The following SAMD4A variants were observed in gnomAD, a reference collection of about 807,000 sequenced individuals.
SAMD4A encodes the protein protein Smaug homolog 1.
A neutral mutation model predicts 81.3 loss-of-function variants in SAMD4A; 33 were observed. That is an observed-to-expected ratio of 0.41 (90% CI 0.31 to 0.54). The LOEUF (loss-of-function observed/expected upper bound fraction) is 0.54. Among genes scored for constraint, SAMD4A ranks in the 20% least tolerant of loss-of-function variants. The probability of loss-of-function intolerance (pLI) is 0.37; values close to 1 mark genes in which losing one functional copy is unlikely to be tolerated. For synonymous variants in SAMD4A, 389 were observed against 382.1 expected (o/e 1.02, Z -0.21); for missense variants, 854 against 951.1 (o/e 0.90, Z 1.34).
At chr14:54,743,808 C>T (rs1594887169) in intron 4 of SAMD4A, among the ~76,000 whole-genome samples, 1 of 152,208 alleles carries the variant, frequency 6.6e-6, no homozygotes, top group South Asian at 2.1e-4. Flanking sequence ...CAACGAGGCC[C>T]AAGACCAATC....
intron 3 of SAMD4A, among the ~76,000 whole-genome samples, chr14:54,706,185 A>T (rs1010008889): frequency 6.6e-6 from 1 of 151,884 alleles, no homozygotes; most frequent in African/African-American, 2.4e-5. Context: ...CCATCTCTTC[A>T]AAAAAAGAAA....
At chr14:54,589,852 C>T (rs1474637320) in intron 2 of SAMD4A, among the ~76,000 whole-genome samples, 3 of 152,186 alleles carry the variant, frequency 2.0e-5, no homozygotes, top group African/African-American at 7.2e-5. Flanking sequence ...TACTTCACAT[C>T]CTTCAGGTCT....
chr14:54,662,967 G>A (rs758510733), intron 2 of SAMD4A, among the ~76,000 whole-genome samples: 2 of 152,170 alleles, frequency 1.3e-5, no homozygotes, highest in East Asian at 1.9e-4. Flanking sequence ...CTCTGCAGAC[G>A]TACAGCCTTT....
intron 2 of SAMD4A, among the ~76,000 whole-genome samples, chr14:54,578,446 C>T (rs916202274): frequency 6.8e-6 from 1 of 147,348 alleles, no homozygotes; most frequent in Non-Finnish European, 1.5e-5. Flanking sequence ...CGCACTGGCT[C>T]ATGCCTGTAA....
At chr14:54,623,132 C>T (rs776990593) in intron 2 of SAMD4A, among the ~76,000 whole-genome samples, 15 of 152,148 alleles carry the variant, frequency 9.9e-5, no homozygotes, top group Admixed American at 2.0e-4. Flanking sequence ...CCCCCAGGGA[C>T]TCTCCTTGCC....
intron 2 of SAMD4A, among the ~76,000 whole-genome samples, chr14:54,684,793 T>G (rs1335959459): frequency 1.3e-5 from 2 of 152,234 alleles, no homozygotes; most frequent in Non-Finnish European, 2.9e-5. Flanking sequence ...ACCTGGGCCT[T>G]TGGCCTGGTA....
intron 2 of SAMD4A, among the ~76,000 whole-genome samples, chr14:54,667,526 C>A (rs1339816874): frequency 6.6e-6 from 1 of 152,164 alleles, no homozygotes; most frequent in Admixed American, 6.5e-5. Context: ...TGTCCAGTTA[C>A]CCTGGGTCAT....
chr14:54,626,062 G>GCA (rs1231886124), intron 2 of SAMD4A, among the ~76,000 whole-genome samples: 12 of 94,894 alleles, frequency 1.3e-4, no homozygotes, highest in Non-Finnish European at 2.5e-4. Context: ...GTGTGTGTGC[G>GCA]CGCGCGCGCG....
chr14:54,718,577 T>TG (rs879813940), intron 3 of SAMD4A, among the ~76,000 whole-genome samples: 9,268 of 152,238 alleles, frequency 0.061, 473 homozygotes, highest in African/African-American at 0.13. Flanking sequence ...TTGTTGTTGT[T>TG]TTTTCTAACT....
At chr14:54,624,125 C>G (rs2034689239) in intron 2 of SAMD4A, among the ~76,000 whole-genome samples, 1 of 152,170 alleles carries the variant, frequency 6.6e-6, no homozygotes, top group African/African-American at 2.4e-5. Flanking sequence ...CAGGCGCCTG[C>G]CACCGCGCCC....
chr14:54,748,067 G>C (rs2038010601), intron 4 of SAMD4A, among the ~76,000 whole-genome samples: 1 of 151,976 alleles, frequency 6.6e-6, no homozygotes, highest in Admixed American at 6.6e-5. Flanking sequence ...CAATCTTTGG[G>C]CCTTTCAAGT....
chr14:54,697,595 T>C (rs1025321726), intron 2 of SAMD4A, among the ~76,000 whole-genome samples: 8 of 152,190 alleles, frequency 5.3e-5, no homozygotes, highest in Non-Finnish European at 4.4e-5. Flanking sequence ...CATGGGTCCA[T>C]GCCAGAATGG....
rs1237748165 is a variant in SAMD4A at position 54,776,445 on chromosome 14, ATAGCAT to A, written c.1950_1955del (p.Asn650_Met652delinsLys). ...TGGTTTGCCAACCCCGGGGGCAGCA[ATAGCAT>A]GCCAAGCCGCACCCACAGCTCAGTC... On this transcript the variant is annotated inframe_deletion, in exon 11 of 13. Transcript: ENST00000554335. 1 of 1,594,138 alleles carries A rather than the reference ATAGCAT, an allele frequency of 6.3e-7. No individual in the cohort carries two copies. Among genetic ancestry groups the A allele is most frequent in the East Asian group, 2.4e-5 (1 of 42,514 alleles).
intron 2 of SAMD4A, among the ~76,000 whole-genome samples, chr14:54,637,780 A>G (rs10498469): frequency 0.02 from 3,110 of 152,276 alleles, 105 homozygotes; most frequent in African/African-American, 0.072. Flanking sequence ...TTTTGATACT[A>G]GTTACATTAA....
In SAMD4A at chr14:54,567,881, C is replaced by T; in HGVS notation, c.-36C>T. The T allele has an allele frequency of 6.3e-7, 1 of 1,584,864 alleles. No homozygotes were observed. The highest frequency in any genetic ancestry group is 8.5e-7 in the Non-Finnish European group (1 of 1,172,544). ...GGCGGGCGGGGCGGGCTGGGGCGCC[C>T]AGGGGGCTCTGTAGACCGAGGGCGG... On this transcript the variant is annotated 5_prime_UTR_variant, in exon 2 of 13. Coordinates refer to ENST00000554335, the MANE Select transcript of SAMD4A (RefSeq NM_015589.6).
intron 4 of SAMD4A, 106 bp downstream of exon 4, chr14:54,737,393 T>C (rs2037723037): frequency 1.5e-6 from 2 of 1,310,116 alleles, no homozygotes; most frequent in African/African-American, 1.5e-5. Flanking sequence ...AGCCCACCCC[T>C]TCCCCAGGCT....
chr14:54,749,224 G>A (rs1326238017), intron 5 of SAMD4A, among the ~76,000 whole-genome samples: 18 of 152,176 alleles, frequency 1.2e-4, no homozygotes, highest in African/African-American at 3.4e-4. Context: ...GGGAGGAATC[G>A]GTGGATTTTC....
intron 2 of SAMD4A, among the ~76,000 whole-genome samples, chr14:54,626,059 T>TGTGTGTGTGTGTGTGC (rs368142521): frequency 9.8e-6 from 1 of 102,096 alleles, no homozygotes; most frequent in African/African-American, 4.0e-5. Flanking sequence ...TGTGTGTGTG[T>TGTGTGTGTGTGTGTGC]GCGCGCGCGC....
chr14:54,573,280 A>G (rs2033187732), intron 2 of SAMD4A, among the ~76,000 whole-genome samples: 2 of 152,182 alleles, frequency 1.3e-5, no homozygotes, highest in African/African-American at 2.4e-5. Flanking sequence ...AATTGAGTAT[A>G]TGCTATAAAC....
Sources: gnomAD v4.1 joint callset for allele counts (sites outside exome capture counted in the v4.1 genomes callset) on GRCh38, gnomAD v4.1.1 for gene constraint, MANE v1.5 for transcripts, NCBI Gene and HGNC (gene_info 2026-07-23, HGNC 2026-07-21) for gene names.